SPATA16: variants seen among roughly 807,000 people sequenced by gnomAD.
The protein encoded by SPATA16 is spermatogenesis associated 16.
Under a neutral mutation model 63.3 loss-of-function variants are expected in SPATA16, and 36 were observed. The observed-to-expected ratio is 0.57, with a 90% CI of 0.44 to 0.75. The LOEUF (loss-of-function observed/expected upper bound fraction) is 0.75. Among genes scored for constraint, SPATA16 ranks in the 30% least tolerant of loss-of-function variants. The pLI, the probability that SPATA16 is intolerant of heterozygous loss-of-function variation, is 0.00. For missense variants in SPATA16, 646 were observed against 679.3 expected (o/e 0.95, Z 0.54); for synonymous variants, 203 against 216.7 (o/e 0.94, Z 0.56).
intron 10 of SPATA16, among the ~76,000 whole-genome samples, chr3:172,900,932 G>A (rs765738156): frequency 2.0e-5 from 3 of 152,030 alleles, no homozygotes; most frequent in Admixed American, 2.0e-4. Context: ...AAGGCACTGC[G>A]CCTGGCCTAA....
At chr3:173,111,841 G>C (rs1384173525) in intron 2 of SPATA16, among the ~76,000 whole-genome samples, 1 of 152,162 alleles carries the variant, frequency 6.6e-6, no homozygotes, top group Non-Finnish European at 1.5e-5. Context: ...TTACCATAAA[G>C]AATGTGTTCT....
chr3:173,105,143 AG>A (rs1737588279), intron 2 of SPATA16, among the ~76,000 whole-genome samples: 1 of 152,224 alleles, frequency 6.6e-6, no homozygotes, highest in South Asian at 2.1e-4. Flanking sequence ...CTATATAATG[AG>A]TGCAAAGACT....
intron 1 of SPATA16, among the ~76,000 whole-genome samples, chr3:173,132,403 A>C (rs1738410364): frequency 6.6e-6 from 1 of 152,204 alleles, no homozygotes; most frequent in Non-Finnish European, 1.5e-5. Flanking sequence ...AAAGCAAAAG[A>C]GAATTCCAGG....
At chr3:173,035,732 G>T (rs9812563) in intron 3 of SPATA16, among the ~76,000 whole-genome samples, 2 of 152,034 alleles carry the variant, frequency 1.3e-5, no homozygotes, top group Non-Finnish European at 2.9e-5. Flanking sequence ...CGTGCAGCCT[G>T]CAAATTTTCT....
intron 3 of SPATA16, among the ~76,000 whole-genome samples, chr3:173,045,378 C>G (rs1735933050): frequency 6.6e-6 from 1 of 152,144 alleles, no homozygotes; most frequent in Admixed American, 6.6e-5. Flanking sequence ...CAGTCCTGCT[C>G]TGACCATTGT....
chr3:173,082,205 A>G (rs749589096), intron 2 of SPATA16, among the ~76,000 whole-genome samples: 1 of 152,138 alleles, frequency 6.6e-6, no homozygotes, highest in African/African-American at 2.4e-5. Flanking sequence ...CCCACATCCC[A>G]TATGTCTAAA....
chr3:173,103,838 C>T (rs535639543), intron 2 of SPATA16, among the ~76,000 whole-genome samples: 1 of 152,334 alleles, frequency 6.6e-6, no homozygotes, highest in South Asian at 2.1e-4. Context: ...CCTGACAATG[C>T]TTTTTCTTTC....
chr3:172,937,555 C>T (rs1430613751), intron 6 of SPATA16, among the ~76,000 whole-genome samples: 2 of 152,034 alleles, frequency 1.3e-5, no homozygotes, highest in Non-Finnish European at 2.9e-5. Context: ...TCACTAGCAC[C>T]CAAAGTCTCT....
intron 4 of SPATA16, among the ~76,000 whole-genome samples, chr3:172,979,192 G>A (rs538417867): frequency 6.6e-5 from 10 of 151,884 alleles, no homozygotes; most frequent in Non-Finnish European, 1.0e-4. Context: ...AGCCGAGATC[G>A]CGCCACTGCA....
intron 2 of SPATA16, among the ~76,000 whole-genome samples, chr3:173,109,210 C>A (rs895329636): frequency 6.6e-6 from 1 of 152,112 alleles, no homozygotes. Context: ...ATTTGGCCCC[C>A]TCTTCCACCC....
In SPATA16 at chr3:172,891,120, T is replaced by C. The variant is rs537973984; in HGVS notation, c.1588-1428A>G. Among the ~76,000 whole-genome samples the C allele has an allele frequency of 1.4e-4, 22 of 152,148 alleles. No individual in the cohort carries two copies. The Middle Eastern group carries it at 0.01, about 71-fold the overall frequency. The stretch of plus-strand genomic sequence containing the variant: ...CTTACCATTACTTCAATAGTTGAGT[T>C]GATGATTCATTCACATTATTTGTAT... On this transcript the variant is annotated intron_variant, in intron 10 of 10. Coordinates refer to ENST00000351008, the MANE Select transcript of SPATA16 (RefSeq NM_031955.6).
chr3:173,122,834 A>G (rs765957155), intron 1 of SPATA16, among the ~76,000 whole-genome samples: 5 of 152,200 alleles, frequency 3.3e-5, no homozygotes, highest in African/African-American at 1.2e-4. Context: ...GAAATGTATC[A>G]CAATCCTTTT....
intron 1 of SPATA16, among the ~76,000 whole-genome samples, chr3:173,132,304 T>TA: frequency 6.6e-6 from 1 of 152,060 alleles, no homozygotes; most frequent in Admixed American, 6.6e-5. Context: ...AAATATTATT[T>TA]AAAAAACCTT....
chr3:173,117,644 T>C lies in SPATA16; in HGVS notation c.88A>G (p.Lys30Glu). The stretch of plus-strand genomic sequence containing the variant: ...GGTGGGTGCGCTAAGGTGGACATTT[T>C]CTTGCTTGTGTTTATCTTTGGAACA... ...QLVPKINTSK[K>E]MSTLAHPPNI... The change falls in exon 2 of 11, where the codon AAA becomes GAA. Residue 30 changes from lysine to glutamate, a missense_variant. Lys to Glu is a moderately conservative substitution (Grantham distance 56). Transcript: ENST00000351008. 6.2e-7 allele frequency: 1 copy of C among 1,614,142 alleles called. No individual in the cohort carries two copies. The highest frequency in any genetic ancestry group is 8.5e-7 in the Non-Finnish European group (1 of 1,180,002).
intron 2 of SPATA16, among the ~76,000 whole-genome samples, chr3:173,094,705 T>C (rs2108321679): frequency 6.9e-6 from 1 of 144,364 alleles, no homozygotes. Context: ...TGGCTTTTAC[T>C]GTCAAATCCT....
At chr3:173,004,282 C>T (rs538914252) in intron 4 of SPATA16, among the ~76,000 whole-genome samples, 4 of 152,212 alleles carry the variant, frequency 2.6e-5, no homozygotes, top group African/African-American at 7.2e-5. Flanking sequence ...GAGTTGGAGT[C>T]GGGACCAGCT....
intron 1 of SPATA16, among the ~76,000 whole-genome samples, chr3:173,130,575 G>A: frequency 6.6e-6 from 1 of 151,984 alleles, no homozygotes; most frequent in East Asian, 1.9e-4. Flanking sequence ...ATTTGCCCGA[G>A]GATAAACAGC....
intron 2 of SPATA16, among the ~76,000 whole-genome samples, chr3:173,110,303 G>C (rs1303500122): frequency 3.3e-5 from 5 of 152,170 alleles, no homozygotes; most frequent in Non-Finnish European, 7.4e-5. Flanking sequence ...GCGAGAGGCA[G>C]TTAGTAGTTC....
At chr3:173,121,260 TGC>T (rs1469766489) in intron 1 of SPATA16, among the ~76,000 whole-genome samples, 1 of 152,110 alleles carries the variant, frequency 6.6e-6, no homozygotes, top group Non-Finnish European at 1.5e-5. Flanking sequence ...ATGGAACTGC[TGC>T]TTATGGCTTC....
Sources: allele counts gnomAD v4.1 joint callset (sites outside exome capture counted in the v4.1 genomes callset), GRCh38; gene constraint gnomAD v4.1.1; transcripts MANE v1.5; gene names NCBI Gene and HGNC (gene_info 2026-07-23, HGNC 2026-07-21).